ST3GAL6: variants seen among roughly 807,000 people sequenced by gnomAD.
The protein encoded by ST3GAL6 is ST3 beta-galactoside alpha-2,3-sialyltransferase 6.
In ST3GAL6, 31 loss-of-function variants were observed where a neutral mutation model predicts 40.5. The ratio of observed to expected loss-of-function variants is 0.77; its 90% CI spans 0.58 to 1.03. The LOEUF (loss-of-function observed/expected upper bound fraction) is 1.03, where lower values mean the gene tolerates loss of function less well. Among genes scored for constraint, ST3GAL6 ranks in the 50% least tolerant of loss-of-function variants. The probability of loss-of-function intolerance (pLI) is 0.00; values close to 1 mark genes in which losing one functional copy is unlikely to be tolerated. For synonymous variants in ST3GAL6, 129 were observed against 136.9 expected, an observed-to-expected ratio of 0.94 and a Z score of 0.40; for missense variants, 357 against 393.2, an observed-to-expected ratio of 0.91 and a Z score of 0.78.
chr3:98,772,885 G>C lies in ST3GAL6; in HGVS notation c.240G>C (p.Lys80Asn), dbSNP rs774321997. 6.2e-7 allele frequency: 1 copy of C among 1,612,852 alleles called. No individual in the cohort carries two copies. Among genetic ancestry groups the C allele is most frequent in the East Asian group, 2.2e-5 (1 of 44,798 alleles). ...RKIASLYGSD[K>N]FDLPYGMRTS... is the part of the protein sequence containing the mutation. The stretch of plus-strand genomic sequence containing the variant: ...TTGCTTCCTTGTATGGTAGCGATAA[G>C]TTTGATTTGCCCTATGGGATGAGAA... Residue 80 changes from lysine to asparagine, a missense_variant, in exon 4 of 10, where the codon AAG (lysine) becomes AAC (asparagine). By Grantham distance (94) the Lys-to-Asn change is moderately conservative. Transcript: ENST00000483910.
At chr3:98,745,792 A>G (rs547311101) in intron 1 of ST3GAL6, among the ~76,000 whole-genome samples, 9 of 152,298 alleles carry the variant, frequency 5.9e-5, no homozygotes, top group African/African-American at 1.7e-4. Context: ...CTAATTATAT[A>G]TTATATATAA....
At position 98,793,871 on chromosome 3, in the gene ST3GAL6, G is replaced by A. The variant is rs1941408277; in HGVS notation, c.*110G>A. ...CGTCAAATAATTATGTATACTGTCT[G>A]TTGCTGCCTGGTGATTCATAACCAC... is the stretch of plus-strand genomic sequence containing the variant. On this transcript the variant is annotated 3_prime_UTR_variant, in exon 10 of 10. Transcript: ENST00000483910. The A allele has an allele frequency of 3.8e-6, 2 of 530,042 alleles. No individual in the cohort carries two copies. The highest frequency in any genetic ancestry group is 7.9e-5 in the Admixed American group (2 of 25,286). The allele number at this position is 530,042 out of a possible 1,614,324, so 32.8% of individuals were successfully genotyped here.
chr3:98,785,340 T>C (rs559333644), intron 6 of ST3GAL6, among the ~76,000 whole-genome samples: 87 of 152,262 alleles, frequency 5.7e-4, no homozygotes, highest in African/African-American at 1.9e-3. Context: ...ATTAAATATA[T>C]AAAAATAATA....
chr3:98,793,318 CTGATTTTGTTTGTTTT>C (rs2107381097), intron 9 of ST3GAL6, among the ~76,000 whole-genome samples: 1 of 152,286 alleles, frequency 6.6e-6, no homozygotes, highest in East Asian at 1.9e-4. Flanking sequence ...TATCTCCAGG[CTGATTTTGTTTGTTTT>C]TAAACTGATT....
At chr3:98,789,402 G>A (rs906117376) in intron 8 of ST3GAL6, among the ~76,000 whole-genome samples, 2 of 152,072 alleles carry the variant, frequency 1.3e-5, no homozygotes, top group African/African-American at 2.4e-5. Flanking sequence ...TACCTTTTAT[G>A]TGCTTCCAGA....
chr3:98,791,263 G>T (rs1941182146), intron 8 of ST3GAL6, among the ~76,000 whole-genome samples: 1 of 152,144 alleles, frequency 6.6e-6, no homozygotes, highest in Non-Finnish European at 1.5e-5. Context: ...TTGTGATATT[G>T]CTATGTATGC....
chr3:98,786,636 G>T (rs974777955), intron 6 of ST3GAL6, among the ~76,000 whole-genome samples: 1 of 152,080 alleles, frequency 6.6e-6, no homozygotes, highest in Non-Finnish European at 1.5e-5. Flanking sequence ...TTGCTTCAAA[G>T]AGGAGTTGAG....
At chr3:98,753,207 T>C (rs1371569000) in intron 1 of ST3GAL6, among the ~76,000 whole-genome samples, 2 of 152,176 alleles carry the variant, frequency 1.3e-5, no homozygotes, top group Non-Finnish European at 2.9e-5. Context: ...TGCTGATATA[T>C]AGAGAGTATT....
chr3:98,772,670 T>TA (rs1320616932), intron 3 of ST3GAL6, 143 bp from the exon 4 acceptor site: 1 of 484,128 alleles, frequency 2.1e-6, no homozygotes, highest in Admixed American at 3.5e-5. Flanking sequence ...AAGTTATTTT[T>TA]AAAAATTAAA....
At chr3:98,774,774 T>C (rs971708030) in intron 5 of ST3GAL6, among the ~76,000 whole-genome samples, 1 of 152,198 alleles carries the variant, frequency 6.6e-6, no homozygotes, top group African/African-American at 2.4e-5. Flanking sequence ...TCTGAAAGTG[T>C]AGACAGAGTT....
intron 1 of ST3GAL6, among the ~76,000 whole-genome samples, chr3:98,767,732 T>A (rs1478750156): frequency 6.6e-6 from 1 of 152,236 alleles, no homozygotes; most frequent in Non-Finnish European, 1.5e-5. Flanking sequence ...AAAGGCTTTT[T>A]TTGCATTTAC....
At chr3:98,753,321 C>T (rs527337865) in intron 1 of ST3GAL6, among the ~76,000 whole-genome samples, 15 of 152,300 alleles carry the variant, frequency 9.8e-5, no homozygotes, top group African/African-American at 3.4e-4. Flanking sequence ...AGGGAACCTG[C>T]AGAAGAAAAG....
intron 1 of ST3GAL6, chr3:98,733,003 A>C: frequency 1.4e-6 from 2 of 1,469,022 alleles, no homozygotes; most frequent in South Asian, 2.7e-5. Context: ...GCGGGTTTGC[A>C]CTGCCCGGGT....
At chr3:98,758,059 G>A (rs1228698259) in intron 1 of ST3GAL6, among the ~76,000 whole-genome samples, 1 of 152,060 alleles carries the variant, frequency 6.6e-6, no homozygotes, top group Non-Finnish European at 1.5e-5. Flanking sequence ...GGCTGGTCTC[G>A]AGCTCCTGAC....
intron 6 of ST3GAL6, among the ~76,000 whole-genome samples, chr3:98,786,142 G>A (rs1940681845): frequency 6.6e-6 from 1 of 152,020 alleles, no homozygotes; most frequent in Non-Finnish European, 1.5e-5. Flanking sequence ...GTAGGCAGTT[G>A]GATAAACAGG....
intron 1 of ST3GAL6, among the ~76,000 whole-genome samples, chr3:98,766,638 G>A (rs1017079795): frequency 6.6e-6 from 1 of 151,990 alleles, no homozygotes; most frequent in Non-Finnish European, 1.5e-5. Flanking sequence ...GGCCAGGTTG[G>A]TATTGAACTC....
intron 7 of ST3GAL6, 21 bp downstream of exon 7, chr3:98,788,243 TG>T: frequency 6.2e-7 from 1 of 1,600,902 alleles, no homozygotes; most frequent in Non-Finnish European, 8.5e-7. Flanking sequence ...AAAATTGTTC[TG>T]CCTTCAGATT....
chr3:98,763,777 A>C (rs981026034), intron 1 of ST3GAL6, among the ~76,000 whole-genome samples: 2 of 151,702 alleles, frequency 1.3e-5, no homozygotes, highest in Admixed American at 6.6e-5. Context: ...CAGAGCTGCT[A>C]GGGTGACTAG....
chr3:98,760,900 C>G (rs749458837), upstream of ST3GAL6, among the ~76,000 whole-genome samples: 1 of 152,132 alleles, frequency 6.6e-6, no homozygotes, highest in Non-Finnish European at 1.5e-5. Flanking sequence ...AAGGAATGAA[C>G]TCCTGGTACA....
Sources: gnomAD v4.1 joint callset for allele counts (sites outside exome capture counted in the v4.1 genomes callset) on GRCh38, gnomAD v4.1.1 for gene constraint, MANE v1.5 for transcripts, NCBI Gene and HGNC (gene_info 2026-07-23, HGNC 2026-07-21) for gene names.